Variants in CRACD observed in about 807,000 individuals in gnomAD.
CRACD encodes capping protein inhibiting regulator of actin dynamics.
In CRACD, 56 loss-of-function variants were observed where a neutral mutation model predicts 106.8. The ratio of observed to expected loss-of-function variants is 0.52; its 90% CI spans 0.42 to 0.66. The LOEUF (loss-of-function observed/expected upper bound fraction) is 0.66. CRACD is among the 30% of genes least tolerant of loss of function. The pLI is 0.00. For missense variants in CRACD, 1,730 were observed against 1,623.2 expected (o/e 1.07, Z -1.13); for synonymous variants, 754 against 670.8 (o/e 1.12, Z -1.92).
chr4:56,325,395 G>A (rs978931980), intron 10 of CRACD, among the ~76,000 whole-genome samples: 1 of 152,188 alleles, frequency 6.6e-6, no homozygotes, highest in Admixed American at 6.5e-5. Flanking sequence ...CAGGAGCTCC[G>A]CACCCGGGTT....
chr4:56,232,112 G>A (rs936709371), intron 2 of CRACD, among the ~76,000 whole-genome samples: 5 of 152,084 alleles, frequency 3.3e-5, no homozygotes, highest in African/African-American at 9.7e-5. Flanking sequence ...GCTCCTTATC[G>A]CTTCGTGTTT....
At chr4:56,198,376 A>C (rs948182915) in intron 2 of CRACD, among the ~76,000 whole-genome samples, 8 of 152,176 alleles carry the variant, frequency 5.3e-5, no homozygotes, top group African/African-American at 1.9e-4. Context: ...TTCATCAGTG[A>C]AGAAGCAGAC....
At chr4:56,268,223 T>C (rs637206) in intron 2 of CRACD, among the ~76,000 whole-genome samples, 68,027 of 152,050 alleles carry the variant, frequency 0.45, 17,221 homozygotes, top group African/African-American at 0.69. Flanking sequence ...CAAATTAAAC[T>C]TCAACTGAAC....
At chr4:56,049,532 C>T (rs1343640525) in intron 1 of CRACD, among the ~76,000 whole-genome samples, 1 of 152,122 alleles carries the variant, frequency 6.6e-6, no homozygotes, top group African/African-American at 2.4e-5. Context: ...CGCTTTGGAT[C>T]CCCGCAGGGG....
intron 3 of CRACD, among the ~76,000 whole-genome samples, chr4:56,289,489 T>A (rs1743578491): frequency 1.3e-5 from 2 of 151,914 alleles, no homozygotes; most frequent in African/African-American, 4.8e-5. Context: ...CTGGGCAACA[T>A]GGCAAGATCC....
chr4:56,278,228 T>C (rs1302312112), intron 3 of CRACD, among the ~76,000 whole-genome samples: 1 of 152,158 alleles, frequency 6.6e-6, no homozygotes, highest in Non-Finnish European at 1.5e-5. Context: ...AGAACAAAGA[T>C]GGAAGACTCA....
intron 2 of CRACD, among the ~76,000 whole-genome samples, chr4:56,202,851 C>T (rs1261204872): frequency 1.3e-5 from 2 of 152,084 alleles, no homozygotes; most frequent in African/African-American, 4.8e-5. Flanking sequence ...TCACCTGATT[C>T]TATCACCTAG....
In CRACD at chr4:56,188,686, TCACA is replaced by T. The variant is rs375013824; in HGVS notation, c.-189+9279_-189+9282del. ...CTCTCTCTCTCTCTCTCTCTCTCTCTCACACACACACACACACACACACACAGAG... is the reference window on the plus strand; with the variant it reads ...CTCTCTCTCTCTCTCTCTCTCTCTCTCACACACACACACACACACACAGAG... On this transcript the variant is annotated intron_variant, in intron 2 of 10. Coordinates refer to ENST00000682029, the MANE Select transcript of CRACD (RefSeq NM_001393381.1). Among the ~76,000 whole-genome samples, 363 of 92,160 alleles carry T rather than the reference TCACA, an allele frequency of 3.9e-3. 4 individuals carry two copies. Among genetic ancestry groups the T allele is most frequent in the African/African-American group, 0.017 (340 of 20,434 alleles). The allele number at this position is 92,160 out of a possible 152,430, so 60.5% of individuals were successfully genotyped here. A position where few individuals can be genotyped will look rare whatever the true frequency, so the allele number is the denominator to read the frequency against.
At chr4:56,137,126 G>A (rs1209449585) in intron 1 of CRACD, among the ~76,000 whole-genome samples, 1 of 152,030 alleles carries the variant, frequency 6.6e-6, no homozygotes, top group African/African-American at 2.4e-5. Flanking sequence ...ATGTCACCAG[G>A]CAATAGAAAT....
At chr4:56,166,639 A>T (rs146270881) in intron 1 of CRACD, among the ~76,000 whole-genome samples, 2,371 of 131,810 alleles carry the variant, frequency 0.018, 25 homozygotes, top group Admixed American at 0.053. Flanking sequence ...ACACCACTGC[A>T]CTCTAGCCTG....
chr4:56,232,886 A>T lies in CRACD; in HGVS notation c.-188-39435A>T, dbSNP rs141071602. 8.9e-3 allele frequency among the ~76,000 whole-genome samples: 1,348 copies of T among 151,686 alleles called. 24 individuals are homozygous for T. Among genetic ancestry groups the T allele is most frequent in the African/African-American group, 0.031 (1,276 of 41,408 alleles). The stretch of plus-strand genomic sequence containing the variant: ...ATTACAGGTGCCCGCCACCAGGCCC[A>T]GCTAATTTTTTTTTGTATTTTTAGT... On this transcript the variant is annotated intron_variant, in intron 2 of 10. Coordinates refer to ENST00000682029, the MANE Select transcript of CRACD (RefSeq NM_001393381.1).
At chr4:56,201,157 T>C (rs1207653702) in intron 2 of CRACD, among the ~76,000 whole-genome samples, 1 of 152,238 alleles carries the variant, frequency 6.6e-6, no homozygotes, top group Non-Finnish European at 1.5e-5. Flanking sequence ...GCTCTGTCTC[T>C]TTAAGGCTAC....
chr4:56,116,856 C>T (rs529084893), intron 1 of CRACD, among the ~76,000 whole-genome samples: 23 of 151,656 alleles, frequency 1.5e-4, no homozygotes, highest in Admixed American at 3.3e-4. Flanking sequence ...TACAGGCGCA[C>T]GGCACCACGC....
At chr4:56,278,104 G>A (rs558296645) in intron 3 of CRACD, among the ~76,000 whole-genome samples, 1 of 152,252 alleles carries the variant, frequency 6.6e-6, no homozygotes, top group Non-Finnish European at 1.5e-5. Flanking sequence ...CAGATTCAAT[G>A]TGGTCCCCAT....
Position 56,298,342 on chromosome 4 carries a change from C to G in CRACD, c.113C>G (p.Thr38Ser). 6.2e-7 allele frequency: 1 copy of G among 1,614,152 alleles called. No homozygotes were observed. The highest frequency in any genetic ancestry group is 1.1e-5 in the South Asian group (1 of 91,048). Residue 38 changes from threonine (T) to serine (S), a missense_variant, in exon 4 of 11, where the codon ACT becomes AGT. Around this residue, in one of 5 missense-constraint regions of CRACD, gnomAD observed 1,620 missense variants for 1,481.6 expected, o/e 1.09. Coordinates refer to ENST00000682029, the MANE Select transcript of CRACD (RefSeq NM_001393381.1). ...SQDNILGKVK[T>S]LQQQLGKNIK... ...GACAACATCCTGGGCAAAGTCAAAA[C>G]TCTTCAGGTAAGACAGCTTGAGAGT... is the stretch of plus-strand genomic sequence containing the variant.
intron 5 of CRACD, among the ~76,000 whole-genome samples, chr4:56,309,829 G>A (rs1008655404): frequency 3.3e-5 from 5 of 152,048 alleles, no homozygotes; most frequent in African/African-American, 1.2e-4. Flanking sequence ...ACTCCAGACT[G>A]GGCGACAGAG....
chr4:56,079,357 T>G (rs1732948706), intron 1 of CRACD, among the ~76,000 whole-genome samples: 1 of 151,922 alleles, frequency 6.6e-6, no homozygotes, highest in Admixed American at 6.5e-5. Context: ...TGAATCATCA[T>G]TCTGTATTTT....
chr4:56,095,581 G>A (rs941849543), intron 1 of CRACD, among the ~76,000 whole-genome samples: 1 of 152,138 alleles, frequency 6.6e-6, no homozygotes, highest in Non-Finnish European at 1.5e-5. Context: ...CTCCAAGGTG[G>A]GCTGCGCCTA....
rs1440497582 is a variant in CRACD, at chr4:56,316,489, C to A, written c.2987C>A (p.Pro996Gln). 1.2e-6 allele frequency: 2 copies of A among 1,613,704 alleles called. No homozygotes were observed. The highest frequency in any genetic ancestry group is 1.7e-6 in the Non-Finnish European group (2 of 1,179,758). Residue 996 changes from proline (P) to glutamine (Q), a missense_variant, in exon 8 of 11, where the codon CCG (proline) becomes CAG (glutamine). This residue lies in a region of CRACD where 1,620 missense variants were observed against 1,481.6 expected (regional missense o/e 1.09). Coordinates refer to ENST00000682029, the MANE Select transcript of CRACD (RefSeq NM_001393381.1). ...CTGCTGTCTCGCCGAGCGGGGAGGC[C>A]GGACCCAGAGCCAAGTGAGCCGTCC... ...VELLSRRAGR[P>Q]DPEPSEPSKE... is the part of the protein sequence containing the mutation.
Sources: gnomAD v4.1 joint callset for allele counts (sites outside exome capture counted in the v4.1 genomes callset) on GRCh38, gnomAD v4.1.1 for gene constraint, gnomAD v4.1.1 regional missense constraint, MANE v1.5 for transcripts, NCBI Gene and HGNC (gene_info 2026-07-23, HGNC 2026-07-21) for gene names.